Variants in CAPN12 observed in about 807,000 individuals in gnomAD.
The protein encoded by CAPN12 is calpain-12.
Under a neutral mutation model 95.0 loss-of-function variants are expected in CAPN12, and 107 were observed. That is an observed-to-expected ratio of 1.13 (90% CI 0.96 to 1.32). The LOEUF (loss-of-function observed/expected upper bound fraction) is 1.32. Ranked by LOEUF, CAPN12 falls within the 40% of genes most tolerant of loss-of-function variation. The pLI is 0.00. For synonymous variants in CAPN12, 505 were observed against 415.5 expected, an observed-to-expected ratio of 1.22 and a Z score of -2.62; for missense variants, 1,136 against 997.8, an observed-to-expected ratio of 1.14 and a Z score of -1.87.
In CAPN12 at chr19:38,730,870, CTCCA is replaced by C; in HGVS notation, c.2138_2141del (p.Met713ArgfsTer45). The stretch of plus-strand genomic sequence containing the variant: ...GGAGATCCTAGGAGAAGGTGGCCAC[CTCCA>C]TCCACTAAGGAAGAGAAGGAAGACA... On this transcript the variant is annotated frameshift_variant, in exon 21 of 21. Coordinates refer to ENST00000328867, the MANE Select transcript of CAPN12 (RefSeq NM_144691.4). LOFTEE classifies it high-confidence loss of function. 1.3e-6 allele frequency: 2 copies of C among 1,551,556 alleles called. No individual in the cohort carries two copies. The highest frequency in any genetic ancestry group is 1.7e-6 in the Non-Finnish European group (2 of 1,147,480).
At chr19:38,733,818 C>T (rs1969812160) in intron 17 of CAPN12, 37 bp from the exon 18 acceptor site, 1 of 1,557,212 alleles carries the variant, frequency 6.4e-7, no homozygotes. Context: ...GCCCTCCATG[C>T]CCTGAAGAGG....
In CAPN12 at chr19:38,733,799, G is replaced by T. The variant is rs748531967; in HGVS notation, c.1879-18C>A. The stretch of plus-strand genomic sequence containing the variant: ...AATATGGCCTGGGCAGGAAGGATGA[G>T]TCAGGGCTGCCCTCCATGCCCTGAA... On this transcript the variant is annotated intron_variant, in intron 17 of 20. Transcript: ENST00000328867. The T allele has an allele frequency of 6.2e-7, 1 of 1,603,838 alleles. No homozygotes were observed. The highest frequency in any genetic ancestry group is 8.5e-7 in the Non-Finnish European group (1 of 1,171,510).
At chr19:38,735,575 G>C in intron 12 of CAPN12, 31 bp from the exon 13 acceptor site, 2 of 1,605,090 alleles carry the variant, frequency 1.2e-6, no homozygotes, top group Non-Finnish European at 1.7e-6. Flanking sequence ...GTGGGGAGGG[G>C]GCTGTTTGCC....
Position 38,733,951 on chromosome 19 carries a change from G to T in CAPN12, c.1879-170C>A, listed in dbSNP as rs996777979. 20 of 789,216 alleles carry T rather than the reference G, an allele frequency of 2.5e-5. No homozygotes were observed. In the Admixed American group the frequency reaches 3.6e-4, roughly 14 times the overall value. The allele number at this position is 789,216 out of a possible 1,614,324, so 48.9% of individuals were successfully genotyped here. ...CTTCTGTTTCCCAATCTGTAAAATG[G>T]GAATAAGAGCAATGACCCAGAGGAC... is the stretch of plus-strand genomic sequence containing the variant. On this transcript the variant is annotated intron_variant, in intron 17 of 20. Transcript: ENST00000328867.
Position 38,744,448 on chromosome 19 carries a change from T to C in CAPN12, c.-283A>G. ...GAGCTGAGGGAGGACCGGCTGCCGCTGTCAGAGCACCAAGAAGGAGGTCAG... is the reference window on the plus strand; with the variant it reads ...GAGCTGAGGGAGGACCGGCTGCCGCCGTCAGAGCACCAAGAAGGAGGTCAG... On this transcript the variant is annotated 5_prime_UTR_variant, in exon 1 of 21. Coordinates refer to ENST00000328867, the MANE Select transcript of CAPN12 (RefSeq NM_144691.4). The C allele has an allele frequency of 1.9e-6, 1 of 515,114 alleles. No individual in the cohort carries two copies. Among genetic ancestry groups the C allele is most frequent in the Non-Finnish European group, 3.5e-6 (1 of 283,676 alleles). 31.9% of individuals were successfully genotyped at this position (515,114 alleles called of 1,614,324 possible). A position where few individuals can be genotyped will look rare whatever the true frequency, so the allele number is the denominator to read the frequency against.
rs1970757580 is a variant in CAPN12, at chr19:38,744,198, C to T, written c.-33G>A. On this transcript the variant is annotated 5_prime_UTR_variant, in exon 1 of 21. Coordinates refer to ENST00000328867, the MANE Select transcript of CAPN12 (RefSeq NM_144691.4). ...CTGGCCTCACAAGCCGGCACCAGGCCCTTTAACCTCCTGAGTCACGGGGGC... is the reference window on the plus strand; with the variant it reads ...CTGGCCTCACAAGCCGGCACCAGGCTCTTTAACCTCCTGAGTCACGGGGGC... 1.9e-6 allele frequency: 3 copies of T among 1,599,234 alleles called. No homozygotes were observed. Among genetic ancestry groups the T allele is most frequent in the African/African-American group, 2.7e-5 (2 of 74,804 alleles).
chr19:38,731,933 C>G lies in CAPN12; in HGVS notation c.1958-710G>C, dbSNP rs528314584. Among the ~76,000 whole-genome samples the G allele has an allele frequency of 2.4e-3, 369 of 152,366 alleles. 2 individuals carry two copies. The highest frequency in any genetic ancestry group is 8.4e-3 in the African/African-American group (351 of 41,576). On this transcript the variant is annotated intron_variant, in intron 18 of 20. Coordinates refer to ENST00000328867, the MANE Select transcript of CAPN12 (RefSeq NM_144691.4). ...AGGTGGCCTGCAGCCTCTTCCTGCC[C>G]GTGTGACCTGCCCCAGGTCACTCCC...
chr19:38,736,584 G>A, intron 10 of CAPN12, 21 bp from the exon 11 acceptor site: 2 of 1,603,942 alleles, frequency 1.2e-6, no homozygotes, highest in Non-Finnish European at 8.5e-7. Flanking sequence ...CAAGAGCAAG[G>A]GGCGTCGGGG....
chr19:38,731,383 C>A, intron 18 of CAPN12, 160 bp from the exon 19 acceptor site: 1 of 636,268 alleles, frequency 1.6e-6, no homozygotes, highest in Admixed American at 2.3e-5. Flanking sequence ...CCCTTCAATC[C>A]TCTGGGCCTG....
In CAPN12 at chr19:38,730,932, C is replaced by T. The variant is rs1006353394; in HGVS notation, c.2133+33G>A. On this transcript the variant is annotated intron_variant, in intron 20 of 20. Transcript: ENST00000328867. ...GAGGCAGGGAGCTCGCAGGACAGAG[C>T]CTGAGCCACCCTGTCCCTCCCACCT... 3.9e-6 allele frequency: 6 copies of T among 1,550,322 alleles called. No individual in the cohort carries two copies. The African/African-American group carries it at 8.2e-5, about 21-fold the overall frequency.
chr19:38,735,077 G>A, intron 14 of CAPN12: 1 of 607,322 alleles, frequency 1.6e-6, no homozygotes, highest in Non-Finnish European at 2.9e-6. Context: ...AGACCGGCCT[G>A]GGGCAGGGGG....
rs1052976532 is a variant in CAPN12 at position 38,730,551 on chromosome 19, TTTTA to T, written c.*297_*300del. 1.5e-5 allele frequency: 7 copies of T among 474,416 alleles called. No homozygotes were observed. The highest frequency in any genetic ancestry group is 2.6e-5 in the Non-Finnish European group (7 of 264,900). The allele number at this position is 474,416 out of a possible 1,614,324, so 29.4% of individuals were successfully genotyped here. On this transcript the variant is annotated 3_prime_UTR_variant, in exon 21 of 21. Transcript: ENST00000328867. ...GAAGGATTCCTGCAGCATCATCTTT[TTTTA>T]TTTCTCCTGTGTCTGTCCTCCACCT...
chr19:38,736,891 G>GGCCCCCC (rs1162807877), intron 10 of CAPN12: 10 of 490,590 alleles, frequency 2.0e-5, no homozygotes, highest in Non-Finnish European at 3.6e-5. Context: ...TCTCCCCTCT[G>GGCCCCCC]AGACCTGGCC....
chr19:38,730,718 G>GAGCA lies in CAPN12; in HGVS notation c.*130_*133dup, dbSNP rs1969518695. 35 of 1,127,802 alleles carry GAGCA rather than the reference G, an allele frequency of 3.1e-5. No homozygotes were observed. Among genetic ancestry groups the GAGCA allele is most frequent in the South Asian group, 1.4e-4 (10 of 71,854 alleles). The allele number at this position is 1,127,802 out of a possible 1,614,324, so 69.9% of individuals were successfully genotyped here. On this transcript the variant is annotated 3_prime_UTR_variant, in exon 21 of 21. Coordinates refer to ENST00000328867, the MANE Select transcript of CAPN12 (RefSeq NM_144691.4). ...CAGGCCAGAGTGGTCACCCGGCCGT[G>GAGCA]AGCAGTGAGGGCCAGAGACTAGCCC... is the stretch of plus-strand genomic sequence containing the variant.
rs199673993 is a variant in CAPN12 at position 38,737,263 on chromosome 19, C to A, written c.1255G>T (p.Gly419Cys). Residue 419 changes from glycine (G) to cysteine (C), a missense_variant, in exon 10 of 21, where the codon GGC becomes TGC. Gly to Cys is a radical substitution (Grantham distance 159, BLOSUM62 -3). Coordinates refer to ENST00000328867, the MANE Select transcript of CAPN12 (RefSeq NM_144691.4). Reference protein sequence around the residue: ...AAGARGPARGGRTPKCTVLLS... With the variant: ...AAGARGPARGCRTPKCTVLLS... ...AGGACCGTGCACTTGGGCGTGCGGC[C>A]CCCCCGCGCTGGGCCCCGTGCCCCT... 2.9e-5 allele frequency: 45 copies of A among 1,549,576 alleles called. 4 individuals are homozygous for A. The highest frequency in any genetic ancestry group is 2.3e-4 in the Admixed American group (12 of 51,110).
chr19:38,732,970 A>G (rs1458379797), intron 18 of CAPN12, among the ~76,000 whole-genome samples: 4 of 152,184 alleles, frequency 2.6e-5, no homozygotes, highest in Admixed American at 6.6e-5. Context: ...GCTCATCAGG[A>G]GGAACTCAGC....
chr19:38,742,009 C>T, intron 3 of CAPN12, 99 bp from the exon 4 acceptor site: 5 of 1,502,120 alleles, frequency 3.3e-6, no homozygotes, highest in Non-Finnish European at 4.5e-6. Context: ...GAATTACAGC[C>T]CCAAGTCAAC....
intron 14 of CAPN12, 113 bp from the exon 15 acceptor site, chr19:38,734,983 G>T: frequency 1.0e-6 from 1 of 956,228 alleles, no homozygotes. Context: ...CTAGCTCCAG[G>T]AGTGGGGGAG....
chr19:38,735,254 C>G, intron 14 of CAPN12, 116 bp downstream of exon 14: 1 of 1,041,566 alleles, frequency 9.6e-7, no homozygotes, highest in Admixed American at 2.8e-5. Context: ...AGATTTAAGC[C>G]CGGAGGGAGG....
Sources: gnomAD v4.1 joint callset for allele counts (sites outside exome capture counted in the v4.1 genomes callset) on GRCh38, gnomAD v4.1.1 for gene constraint, MANE v1.5 for transcripts, NCBI Gene and HGNC (gene_info 2026-07-23, HGNC 2026-07-21) for gene names.